The following RUNX2 variants were observed in gnomAD, a reference collection of about 807,000 sequenced individuals.
RUNX2 encodes runt-related transcription factor 2.
In RUNX2, 10 loss-of-function variants were observed where a neutral mutation model predicts 51.7. The observed-to-expected ratio is 0.19, with a 90% CI of 0.12 to 0.33. The LOEUF (loss-of-function observed/expected upper bound fraction) is 0.33, where lower values mean the gene tolerates loss of function less well. RUNX2 is among the 10% of genes least tolerant of loss of function. The pLI is 1.00. For synonymous variants in RUNX2, 276 were observed against 273.6 expected, an observed-to-expected ratio of 1.01 and a Z score of -0.09; for missense variants, 562 against 691.3, an observed-to-expected ratio of 0.81 and a Z score of 2.10.
At chr6:45,402,418 C>G (rs993380105) in intron 2 of RUNX2, among the ~76,000 whole-genome samples, 1 of 152,010 alleles carries the variant, frequency 6.6e-6, no homozygotes, top group African/African-American at 2.4e-5. Flanking sequence ...TTTAAAGAGC[C>G]CTGAAATGTT....
At chr6:45,545,042 T>TAA (rs950545756) in intron 7 of RUNX2, among the ~76,000 whole-genome samples, 175 bp from the exon 8 acceptor site, 1 of 152,192 alleles carries the variant, frequency 6.6e-6, no homozygotes, top group Non-Finnish European at 1.5e-5. Context: ...AGCTGCTCAC[T>TAA]AGCTTTTACC....
At chr6:45,342,134 A>G (rs1019719759) in intron 2 of RUNX2, among the ~76,000 whole-genome samples, 4 of 152,184 alleles carry the variant, frequency 2.6e-5, no homozygotes, top group African/African-American at 9.6e-5. Context: ...CTTAGGACAG[A>G]ATGGTTGATG....
intron 5 of RUNX2, among the ~76,000 whole-genome samples, chr6:45,487,163 T>C (rs1486519898): frequency 6.6e-6 from 1 of 152,188 alleles, no homozygotes; most frequent in Non-Finnish European, 1.5e-5. Context: ...AAACCACTTT[T>C]TTGTTTTTAA....
chr6:45,391,007 G>A (rs1207785779), intron 2 of RUNX2, among the ~76,000 whole-genome samples: 6 of 152,070 alleles, frequency 3.9e-5, no homozygotes, highest in Non-Finnish European at 7.4e-5. Flanking sequence ...TGAATGAAGC[G>A]TCTCTCACAA....
chr6:45,547,592 T>A lies in RUNX2; in HGVS notation c.*287T>A, dbSNP rs1253359049. 3 of 446,448 alleles carry A rather than the reference T, an allele frequency of 6.7e-6. No individual in the cohort carries two copies. The highest frequency in any genetic ancestry group is 1.2e-5 in the Non-Finnish European group (3 of 242,194). The allele number at this position is 446,448 out of a possible 1,614,324, so 27.7% of individuals were successfully genotyped here. A position where few individuals can be genotyped will look rare whatever the true frequency, so the allele number is the denominator to read the frequency against. ...ACAAAGAAGGGAAAAGGTATTTTTGTTTTTGTTGTTTGGTCTGTTATCATC... is the reference window on the plus strand; with the variant it reads ...ACAAAGAAGGGAAAAGGTATTTTTGATTTTGTTGTTTGGTCTGTTATCATC... On this transcript the variant is annotated 3_prime_UTR_variant, in exon 9 of 9. Transcript: ENST00000647337.
chr6:45,492,621 G>A (rs1800517800), intron 6 of RUNX2, among the ~76,000 whole-genome samples: 1 of 152,152 alleles, frequency 6.6e-6, no homozygotes, highest in Non-Finnish European at 1.5e-5. Context: ...ATTCACTTCT[G>A]ATTTACATTT....
chr6:45,448,971 G>T (rs941507778), intron 5 of RUNX2, among the ~76,000 whole-genome samples: 7 of 152,078 alleles, frequency 4.6e-5, no homozygotes, highest in African/African-American at 1.7e-4. Flanking sequence ...CTAGAGCTTT[G>T]GTTTCTGTTT....
intron 5 of RUNX2, among the ~76,000 whole-genome samples, chr6:45,469,508 G>A (rs1020662224): frequency 6.6e-6 from 1 of 152,166 alleles, no homozygotes; most frequent in Non-Finnish European, 1.5e-5. Context: ...TTATGAATAT[G>A]TGTCCACTGG....
chr6:45,456,838 C>G (rs1460137529), intron 5 of RUNX2, among the ~76,000 whole-genome samples: 2 of 152,148 alleles, frequency 1.3e-5, no homozygotes, highest in African/African-American at 2.4e-5. Context: ...GAGAAGATGC[C>G]CTTTTTCAAG....
chr6:45,491,800 T>G, intron 5 of RUNX2, 141 bp from the exon 6 acceptor site: 1 of 866,990 alleles, frequency 1.2e-6, no homozygotes, highest in Non-Finnish European at 1.9e-6. Context: ...ATGGAAGGCA[T>G]TATGTAGACA....
intron 5 of RUNX2, among the ~76,000 whole-genome samples, chr6:45,454,649 G>C (rs1168538492): frequency 6.6e-6 from 1 of 152,158 alleles, no homozygotes; most frequent in Non-Finnish European, 1.5e-5. Flanking sequence ...AAGTCTATCA[G>C]AAGATTATGT....
At chr6:45,464,971 G>A (rs940525505) in intron 5 of RUNX2, among the ~76,000 whole-genome samples, 3 of 152,196 alleles carry the variant, frequency 2.0e-5, no homozygotes, top group African/African-American at 7.2e-5. Flanking sequence ...AACTCTGGGA[G>A]TGGTGCTGAT....
chr6:45,545,871 C>T (rs1175530955), intron 8 of RUNX2, among the ~76,000 whole-genome samples: 1 of 152,160 alleles, frequency 6.6e-6, no homozygotes, highest in African/African-American at 2.4e-5. Flanking sequence ...GCACCAGAAA[C>T]ATCTATTAAG....
chr6:45,416,906 G>A (rs1326873400), intron 2 of RUNX2, among the ~76,000 whole-genome samples: 3 of 152,092 alleles, frequency 2.0e-5, no homozygotes, highest in African/African-American at 7.2e-5. Context: ...ATGGCCCTTG[G>A]GAATGCTAAC....
intron 2 of RUNX2, among the ~76,000 whole-genome samples, chr6:45,409,257 T>G (rs1210937622): frequency 1.3e-5 from 2 of 152,208 alleles, no homozygotes; most frequent in African/African-American, 2.4e-5. Context: ...ACATGTAAAC[T>G]ATATATCTTC....
At chr6:45,460,572 G>A (rs1448817639) in intron 5 of RUNX2, among the ~76,000 whole-genome samples, 2 of 152,172 alleles carry the variant, frequency 1.3e-5, no homozygotes, top group African/African-American at 4.8e-5. Flanking sequence ...ATGGCATAAT[G>A]GAGCTCTTGT....
intron 2 of RUNX2, among the ~76,000 whole-genome samples, chr6:45,370,559 T>C (rs1286417379): frequency 6.6e-6 from 1 of 152,160 alleles, no homozygotes; most frequent in Non-Finnish European, 1.5e-5. Context: ...ATCAATATAA[T>C]AGAACTTTGT....
chr6:45,374,050 A>G (rs907413850), intron 2 of RUNX2, among the ~76,000 whole-genome samples: 8 of 152,246 alleles, frequency 5.3e-5, no homozygotes, highest in African/African-American at 1.9e-4. Context: ...TTTTAAATGT[A>G]ATTCTCATTT....
intron 5 of RUNX2, among the ~76,000 whole-genome samples, chr6:45,445,177 A>G (rs974763021): frequency 6.6e-6 from 1 of 152,016 alleles, no homozygotes; most frequent in African/African-American, 2.4e-5. Context: ...AGTGTGTGCC[A>G]CCACACCTGG....
Sources: gnomAD v4.1 joint callset for allele counts (sites outside exome capture counted in the v4.1 genomes callset) on GRCh38, gnomAD v4.1.1 for gene constraint, MANE v1.5 for transcripts, NCBI Gene and HGNC (gene_info 2026-07-23, HGNC 2026-07-21) for gene names.